ZC3H12B: variants seen among roughly 807,000 people sequenced by gnomAD.
ZC3H12B encodes probable ribonuclease ZC3H12B.
ZC3H12B carries 7 observed loss-of-function variants against 43.9 expected under a neutral mutation model. That is an observed-to-expected ratio of 0.16 (90% CI 0.09 to 0.30). The LOEUF is 0.30. Among genes scored for constraint, ZC3H12B ranks in the 10% least tolerant of loss-of-function variants. ZC3H12B has a pLI of 1.00. For synonymous variants in ZC3H12B, 222 were observed against 241.7 expected, an observed-to-expected ratio of 0.92 and a Z score of 0.76; for missense variants, 475 against 670.2, an observed-to-expected ratio of 0.71 and a Z score of 3.22.
At chrX:65,158,700 A>T in the ZC3H12B span, among the ~76,000 whole-genome samples, 1 of 111,079 alleles carries the variant, frequency 9.0e-6, no homozygotes, top group Non-Finnish European at 1.9e-5. Context: ...AGGTTACGAA[A>T]ATTTTCTCCC....
At chrX:65,444,872 G>A (rs1458532240) in intron 3 of ZC3H12B, among the ~76,000 whole-genome samples, 1 of 111,449 alleles carries the variant, frequency 9.0e-6, no homozygotes, top group Non-Finnish European at 1.9e-5. Flanking sequence ...ATATCTTTTT[G>A]CCATACTTTG....
chrX:65,449,499 G>C (rs1270229321), intron 3 of ZC3H12B, among the ~76,000 whole-genome samples: 1 of 110,050 alleles, frequency 9.1e-6, no homozygotes, highest in Non-Finnish European at 1.9e-5. Context: ...CATGCCTGTA[G>C]TCCCAGCTAC....
chrX:65,401,865 G>A (rs1048925461), intron 3 of ZC3H12B, among the ~76,000 whole-genome samples: 4 of 111,995 alleles, frequency 3.6e-5, no homozygotes, highest in Non-Finnish European at 7.5e-5. Context: ...TTGAAGGGAA[G>A]GAGCCAGTCT....
the ZC3H12B span, among the ~76,000 whole-genome samples, chrX:65,096,634 T>G: frequency 1.8e-5 from 2 of 110,848 alleles, no homozygotes; most frequent in Non-Finnish European, 3.8e-5. Flanking sequence ...TTGAAGAAAA[T>G]GGGGCAGAGA....
intron 3 of ZC3H12B, among the ~76,000 whole-genome samples, chrX:65,447,937 T>C (rs12014817): frequency 0.14 from 16,034 of 110,829 alleles, 2,743 homozygotes; most frequent in African/African-American, 0.49. Context: ...TAACCATTAT[T>C]GAAAAGTTAA....
the ZC3H12B span, among the ~76,000 whole-genome samples, chrX:65,228,777 T>G: frequency 9.0e-6 from 1 of 111,615 alleles, no homozygotes; most frequent in Non-Finnish European, 1.9e-5. Context: ...TGAACTCCCA[T>G]TCACAATTGC....
chrX:65,171,181 CT>C, the ZC3H12B span, among the ~76,000 whole-genome samples: 1 of 110,699 alleles, frequency 9.0e-6, no homozygotes, highest in Non-Finnish European at 1.9e-5. Flanking sequence ...TTTTATCCAC[CT>C]TTTGTCTTTG....
intron 3 of ZC3H12B, among the ~76,000 whole-genome samples, chrX:65,458,085 T>TAAAAAAAAAAAAAAAAAAAAAAAATA (rs59738258): frequency 2.0e-5 from 1 of 49,083 alleles, no homozygotes; most frequent in African/African-American, 8.8e-5. Flanking sequence ...AAAAAAAAAT[T>TAAAAAAAAAAAAAAAAAAAAAAAATA]AAAAAAAAAA....
the ZC3H12B span, among the ~76,000 whole-genome samples, chrX:65,120,338 A>G: frequency 9.0e-6 from 1 of 111,148 alleles, no homozygotes; most frequent in Non-Finnish European, 1.9e-5. Flanking sequence ...AGAGGTTTGT[A>G]GTTCTCCTTG....
At chrX:65,317,860 TATATATATAC>T in the ZC3H12B span, among the ~76,000 whole-genome samples, 3 of 103,001 alleles carry the variant, frequency 2.9e-5, no homozygotes, top group East Asian at 3.0e-4. Context: ...ACTATATATA[TATATATATAC>T]ATATATATAC....
At chrX:65,079,840 A>G in the ZC3H12B span, among the ~76,000 whole-genome samples, 44 of 111,069 alleles carry the variant, frequency 4.0e-4, no homozygotes, top group African/African-American at 1.4e-3. Flanking sequence ...TAGCATCAAC[A>G]CTACCCAGGA....
the ZC3H12B span, among the ~76,000 whole-genome samples, chrX:65,320,686 G>A: frequency 8.9e-6 from 1 of 112,003 alleles, no homozygotes; most frequent in East Asian, 2.8e-4. Context: ...CATAGTACTG[G>A]TAAAAAAGCA....
the ZC3H12B span, among the ~76,000 whole-genome samples, chrX:65,249,309 G>A: frequency 2.7e-5 from 3 of 111,773 alleles, no homozygotes; most frequent in East Asian, 2.8e-4. Context: ...AATTATCCCA[G>A]CACTATTTGT....
chrX:65,265,005 C>G, the ZC3H12B span, among the ~76,000 whole-genome samples: 1 of 111,524 alleles, frequency 9.0e-6, no homozygotes. Flanking sequence ...AGTGGTAGAG[C>G]GAAGACTAGA....
the ZC3H12B span, among the ~76,000 whole-genome samples, chrX:65,338,222 C>T: frequency 1.8e-5 from 2 of 111,056 alleles, no homozygotes; most frequent in African/African-American, 6.6e-5. Flanking sequence ...TAAGGGTCGG[C>T]TAGCAGTAAT....
At chrX:65,318,898 C>T in the ZC3H12B span, among the ~76,000 whole-genome samples, 1 of 111,093 alleles carries the variant, frequency 9.0e-6, no homozygotes, top group Non-Finnish European at 1.9e-5. Flanking sequence ...ATACAACATA[C>T]CAGAATCTCT....
At chrX:65,384,768 G>A (rs2066498095) in intron 2 of ZC3H12B, among the ~76,000 whole-genome samples, 1 of 112,054 alleles carries the variant, frequency 8.9e-6, no homozygotes, top group East Asian at 2.8e-4. Context: ...ATGAGAAACA[G>A]ACTTCCCTTG....
intron 3 of ZC3H12B, among the ~76,000 whole-genome samples, chrX:65,480,174 C>T (rs1319690869): frequency 8.9e-6 from 1 of 112,285 alleles, no homozygotes; most frequent in Non-Finnish European, 1.9e-5. Context: ...TTCCCACTGA[C>T]ATCATCATTA....
rs144933884 is a variant in ZC3H12B at position 65,505,609 on chromosome X, G to A, written c.*2400G>A. On this transcript the variant is annotated 3_prime_UTR_variant, in exon 5 of 5. Transcript: ENST00000338957. ...TTCAACTTCTTGGACTTTCTAAATC[G>A]GACTCGTGTCTAAATCAGGGTATTT... The A allele has an allele frequency of 1.1e-3, 125 of 112,191 alleles. 1 individual carries two copies. Among genetic ancestry groups the A allele is most frequent in the African/African-American group, 4.0e-3 (124 of 30,777 alleles). 9.2% of individuals were successfully genotyped at this position (112,191 alleles called of 1,213,427 possible). A position where few individuals can be genotyped will look rare whatever the true frequency, so the allele number is the denominator to read the frequency against.
Sources: gnomAD v4.1 joint callset for allele counts (sites outside exome capture counted in the v4.1 genomes callset) on GRCh38, gnomAD v4.1.1 for gene constraint, MANE v1.5 for transcripts, NCBI Gene and HGNC (gene_info 2026-07-23, HGNC 2026-07-21) for gene names.